ARAP2: variants seen among roughly 807,000 people sequenced by gnomAD.
ARAP2 encodes arf-GAP with Rho-GAP domain, ANK repeat and PH domain-containing protein 2.
ARAP2 carries 148 observed loss-of-function variants against 194.5 expected under a neutral mutation model. That is an observed-to-expected ratio of 0.76 (90% confidence interval 0.67 to 0.87). ARAP2 has a LOEUF of 0.87. ARAP2 is among the 40% of genes least tolerant of loss of function. The pLI is 0.00. For missense variants in ARAP2, 2,128 were observed against 1,989.7 expected, an observed-to-expected ratio of 1.07 and a Z score of -1.32; for synonymous variants, 695 against 683.5, an observed-to-expected ratio of 1.02 and a Z score of -0.26.
Position 36,059,278 on chromosome 4 carries a change from A to C in ARAP2, n.148-1135T>G, listed in dbSNP as rs574353465. 2.0e-5 allele frequency among the ~76,000 whole-genome samples: 3 copies of C among 152,266 alleles called. No homozygotes were observed. In the East Asian group the frequency reaches 5.8e-4, roughly 29 times the overall value. ...ACATAATCTTTTATTTTAGAAGTTC[A>C]CTCTGTCTTTTGCTTCCTTCCACAT... is the stretch of plus-strand genomic sequence containing the variant. On this transcript the variant is annotated intron_variant and non_coding_transcript_variant, in intron 1 of 12. Coordinates refer to the ARAP2 transcript ENST00000503225.
chr4:36,137,612 T>C (rs1727152023), intron 19 of ARAP2, among the ~76,000 whole-genome samples: 1 of 151,768 alleles, frequency 6.6e-6, no homozygotes, highest in Non-Finnish European at 1.5e-5. Flanking sequence ...ATTGAGCTTT[T>C]GAGCCAGAGA....
chr4:36,094,979 A>G (rs926996916), intron 27 of ARAP2, among the ~76,000 whole-genome samples: 9 of 152,220 alleles, frequency 5.9e-5, no homozygotes, highest in African/African-American at 1.9e-4. Context: ...AATATCTAAC[A>G]AAATGTTTGT....
chr4:36,122,182 G>T (rs1049835065), intron 22 of ARAP2, among the ~76,000 whole-genome samples: 1 of 151,764 alleles, frequency 6.6e-6, no homozygotes, highest in Non-Finnish European at 1.5e-5. Context: ...GTGTAAATTA[G>T]TTCAACCACT....
intron 15 of ARAP2, among the ~76,000 whole-genome samples, chr4:36,157,935 C>T (rs1198542095): frequency 1.3e-5 from 2 of 152,002 alleles, no homozygotes; most frequent in African/African-American, 4.8e-5. Flanking sequence ...AACTATACCA[C>T]CTAGTGAATA....
rs766174838 is a variant in ARAP2 at position 36,155,269 on chromosome 4, C to G, written c.2752+3461G>C. On this transcript the variant is annotated intron_variant, in intron 15 of 32. Coordinates refer to ENST00000303965, the MANE Select transcript of ARAP2 (RefSeq NM_015230.4). Reference sequence around the variant, plus strand: ...CTTTCACTTCAGGGGGAAAGAGAAACAAATAAATGGAAACAGGATCATCTC... The same window carrying G: ...CTTTCACTTCAGGGGGAAAGAGAAAGAAATAAATGGAAACAGGATCATCTC... Among the ~76,000 whole-genome samples, 16 of 152,238 alleles carry G rather than the reference C, an allele frequency of 1.1e-4. No homozygotes were observed. In the Middle Eastern group the frequency reaches 0.01, roughly 97 times the overall value.
intron 5 of ARAP2, among the ~76,000 whole-genome samples, chr4:36,042,778 A>T (rs998050871): frequency 6.6e-6 from 1 of 151,892 alleles, no homozygotes; most frequent in Non-Finnish European, 1.5e-5. Flanking sequence ...TCCAGAGTTC[A>T]TTGGGCACTC....
At chr4:36,147,405 A>AAT in intron 18 of ARAP2, 46 bp from the exon 19 acceptor site, 1 of 1,594,420 alleles carries the variant, frequency 6.3e-7, no homozygotes, top group African/African-American at 1.3e-5. Context: ...AAAACACTGT[A>AAT]ATAAACACCC....
At chr4:36,104,450 AGTAG>A (rs1275968917) in intron 27 of ARAP2, among the ~76,000 whole-genome samples, 1 of 151,952 alleles carries the variant, frequency 6.6e-6, no homozygotes, top group East Asian at 1.9e-4. Context: ...ATAACTCTGG[AGTAG>A]GTAGTCGTTG....
At chr4:36,037,869 T>A (rs1720206038) in intron 5 of ARAP2, among the ~76,000 whole-genome samples, 1 of 152,222 alleles carries the variant, frequency 6.6e-6, no homozygotes, top group Admixed American at 6.5e-5. Context: ...ATGATTTAAC[T>A]CTTAGAGCAT....
chr4:36,147,524 A>G (rs1252240573), intron 18 of ARAP2, 24 bp downstream of exon 18: 7 of 1,596,092 alleles, frequency 4.4e-6, no homozygotes, highest in Non-Finnish European at 6.0e-6. Context: ...TGTTCCAAAG[A>G]TAAGGGAAGA....
chr4:36,192,260 T>A (rs1213877556), intron 7 of ARAP2, among the ~76,000 whole-genome samples: 1 of 151,930 alleles, frequency 6.6e-6, no homozygotes, highest in East Asian at 1.9e-4. Context: ...CAACTTAAAT[T>A]TTTTTAATAT....
chr4:36,130,468 C>T (rs916095027), intron 20 of ARAP2, among the ~76,000 whole-genome samples: 3 of 151,818 alleles, frequency 2.0e-5, no homozygotes, highest in African/African-American at 7.2e-5. Context: ...GTTTCTCCTC[C>T]TGGAGTCCCT....
At chr4:36,121,369 G>A in intron 22 of ARAP2, 43 bp from the exon 23 acceptor site, 6 of 1,497,202 alleles carry the variant, frequency 4.0e-6, no homozygotes, top group Non-Finnish European at 5.4e-6. Flanking sequence ...ACTTTTATTT[G>A]GAAATTTCAT....
At chr4:36,028,133 T>C (rs1412929381) in intron 5 of ARAP2, among the ~76,000 whole-genome samples, 2 of 152,234 alleles carry the variant, frequency 1.3e-5, no homozygotes, top group Admixed American at 6.5e-5. Context: ...TAATGTTTTA[T>C]TTATAATTTT....
At chr4:36,068,652 T>G (rs1017797387) in intron 32 of ARAP2, among the ~76,000 whole-genome samples, 4 of 152,196 alleles carry the variant, frequency 2.6e-5, no homozygotes, top group South Asian at 2.1e-4. Flanking sequence ...CAGCTTCCAG[T>G]CAGCCATGCA....
chr4:36,204,873 C>T (rs969103896), intron 6 of ARAP2, among the ~76,000 whole-genome samples: 2 of 151,172 alleles, frequency 1.3e-5, no homozygotes, highest in Non-Finnish European at 3.0e-5. Context: ...CCTGTAATCC[C>T]GACTACTCGG....
chr4:36,073,884 T>C (rs749859753), intron 31 of ARAP2, 61 bp from the exon 32 acceptor site: 1 of 1,569,308 alleles, frequency 6.4e-7, no homozygotes, highest in Non-Finnish European at 8.7e-7. Context: ...TACTATGTCA[T>C]AAAGCCACTT....
chr4:36,233,315 C>G (rs371991283), intron 1 of ARAP2, among the ~76,000 whole-genome samples: 4 of 152,200 alleles, frequency 2.6e-5, no homozygotes, highest in African/African-American at 9.7e-5. Flanking sequence ...GGCATGTATG[C>G]CACAGTCTAG....
chr4:36,010,006 TCACATAGGTC>T (rs1714160220), intron 9 of ARAP2, among the ~76,000 whole-genome samples: 1 of 151,996 alleles, frequency 6.6e-6, no homozygotes. Flanking sequence ...GTTGCTAACA[TCACATAGGTC>T]CTCAGTTGTA....
Sources: gnomAD v4.1 joint callset for allele counts (sites outside exome capture counted in the v4.1 genomes callset) on GRCh38, gnomAD v4.1.1 for gene constraint, MANE v1.5 for transcripts, NCBI Gene and HGNC (gene_info 2026-07-23, HGNC 2026-07-21) for gene names.